The following ANAPC10 variants were observed in gnomAD, a reference collection of about 807,000 sequenced individuals.
ANAPC10 encodes the protein anaphase-promoting complex subunit 10.
In ANAPC10, 12 loss-of-function variants were observed where a neutral mutation model predicts 22.0. The ratio of observed to expected loss-of-function variants is 0.55; its 90% confidence interval spans 0.35 to 0.88. The LOEUF is 0.88. Among genes scored for constraint, ANAPC10 ranks in the 40% least tolerant of loss-of-function variants. The pLI is 0.01. For synonymous variants in ANAPC10, 65 were observed against 69.5 expected (o/e 0.94, Z 0.32); for missense variants, 188 against 220.9 (o/e 0.85, Z 0.94).
intron 4 of ANAPC10, among the ~76,000 whole-genome samples, chr4:145,002,979 T>TACCC (rs1271917811): frequency 6.6e-6 from 1 of 152,294 alleles, no homozygotes; most frequent in Non-Finnish European, 1.5e-5. Flanking sequence ...GTAGGCATAA[T>TACCC]ACCCGATAGG....
chr4:145,013,942 G>A (rs1023924542), intron 4 of ANAPC10, among the ~76,000 whole-genome samples: 2 of 152,026 alleles, frequency 1.3e-5, no homozygotes, highest in African/African-American at 4.8e-5. Context: ...GAGCTTGCTG[G>A]GTCCCCAGGC....
chr4:145,059,622 A>G (rs1742584409), intron 4 of ANAPC10, among the ~76,000 whole-genome samples: 1 of 152,148 alleles, frequency 6.6e-6, no homozygotes, highest in Admixed American at 6.6e-5. Flanking sequence ...GTTGTTTCTC[A>G]TATAACAATA....
intron 4 of ANAPC10, among the ~76,000 whole-genome samples, chr4:145,052,108 G>A (rs1178794768): frequency 6.6e-6 from 1 of 152,156 alleles, no homozygotes; most frequent in Non-Finnish European, 1.5e-5. Context: ...GGGGCTGGGA[G>A]TAAGGGGGAC....
chr4:144,995,169 G>A lies in ANAPC10; in HGVS notation c.*204C>T. The A allele has an allele frequency of 2.9e-6, 1 of 346,802 alleles. No individual in the cohort carries two copies. The highest frequency in any genetic ancestry group is 2.1e-5 in the African/African-American group (1 of 47,172). 21.5% of individuals were successfully genotyped at this position (346,802 alleles called of 1,614,324 possible). ...TGGCTTCAAATCCATTTTTAGTAATGTAAAATATGTGAGCTTTATTACATG... is the reference window on the plus strand; with the variant it reads ...TGGCTTCAAATCCATTTTTAGTAATATAAAATATGTGAGCTTTATTACATG... On this transcript the variant is annotated 3_prime_UTR_variant, in exon 5 of 5. Coordinates refer to ENST00000507656, the MANE Select transcript of ANAPC10 (RefSeq NM_001256706.2).
At position 144,994,986 on chromosome 4, in the gene ANAPC10, G is replaced by T. The variant is rs1198736596; in HGVS notation, c.*387C>A. On this transcript the variant is annotated 3_prime_UTR_variant, in exon 5 of 5. Coordinates refer to ENST00000507656, the MANE Select transcript of ANAPC10 (RefSeq NM_001256706.2). The stretch of plus-strand genomic sequence containing the variant: ...ATATATATTGATAAAACACAGTCTT[G>T]TTCTCAAATATGCAATAAACCATTA... 1 of 156,708 alleles carries T rather than the reference G, an allele frequency of 6.4e-6. No individual in the cohort carries two copies. Among genetic ancestry groups the T allele is most frequent in the East Asian group, 1.9e-4 (1 of 5,300 alleles). The allele number at this position is 156,708 out of a possible 1,614,324, so 9.7% of individuals were successfully genotyped here.
At chr4:145,013,078 C>A (rs1440068649) in intron 4 of ANAPC10, among the ~76,000 whole-genome samples, 4 of 152,146 alleles carry the variant, frequency 2.6e-5, no homozygotes, top group African/African-American at 9.7e-5. Flanking sequence ...TTTCCTGAGG[C>A]TTCCCCAGAC....
At chr4:145,039,429 T>C (rs1739158558) in intron 4 of ANAPC10, among the ~76,000 whole-genome samples, 1 of 152,202 alleles carries the variant, frequency 6.6e-6, no homozygotes, top group South Asian at 2.1e-4. Flanking sequence ...GAGACATGAT[T>C]AAGGCTGACT....
intron 4 of ANAPC10, among the ~76,000 whole-genome samples, chr4:145,059,022 C>T (rs942497167): frequency 2.0e-5 from 3 of 152,074 alleles, no homozygotes; most frequent in African/African-American, 7.2e-5. Context: ...TCAACAAAAA[C>T]TATTTTTCCA....
At chr4:145,009,814 T>G (rs1268071868) in intron 4 of ANAPC10, among the ~76,000 whole-genome samples, 1 of 152,062 alleles carries the variant, frequency 6.6e-6, no homozygotes. Context: ...AAGCCAAAAT[T>G]GACAAATGGG....
intron 4 of ANAPC10, among the ~76,000 whole-genome samples, chr4:145,048,816 T>C (rs1740691076): frequency 6.6e-6 from 1 of 152,184 alleles, no homozygotes; most frequent in South Asian, 2.1e-4. Context: ...AAACTATCAG[T>C]ATCTCAGTTA....
At chr4:145,042,625 C>T (rs1739678739) in intron 4 of ANAPC10, among the ~76,000 whole-genome samples, 1 of 152,030 alleles carries the variant, frequency 6.6e-6, no homozygotes, top group African/African-American at 2.4e-5. Flanking sequence ...GCCATGACAA[C>T]TTATCCTATA....
rs140587378 is a variant in ANAPC10, at chr4:145,077,178, G to A, written c.206+4482C>T. ...CGTGCCACTGCACTCCAGCCTGGGC[G>A]ACAGAGCAAGACTCTGTCTCAAAAA... On this transcript the variant is annotated intron_variant, in intron 3 of 4. Coordinates refer to ENST00000507656, the MANE Select transcript of ANAPC10 (RefSeq NM_001256706.2). Among the ~76,000 whole-genome samples the A allele has an allele frequency of 6.6e-5, 10 of 152,090 alleles. No homozygotes were observed. The East Asian group carries it at 9.7e-4, about 15-fold the overall frequency.
At chr4:145,013,737 A>C (rs2126938941) in intron 4 of ANAPC10, among the ~76,000 whole-genome samples, 1 of 152,270 alleles carries the variant, frequency 6.6e-6, no homozygotes, top group East Asian at 1.9e-4. Flanking sequence ...TGCAGGACCC[A>C]GGAGACAGCC....
At chr4:145,038,191 A>C (rs1237531179) in intron 4 of ANAPC10, among the ~76,000 whole-genome samples, 1 of 152,100 alleles carries the variant, frequency 6.6e-6, no homozygotes, top group Non-Finnish European at 1.5e-5. Flanking sequence ...TAAATAATAG[A>C]TAAAAGGTCA....
At chr4:145,029,371 G>C (rs1454708151) in intron 4 of ANAPC10, among the ~76,000 whole-genome samples, 3 of 152,134 alleles carry the variant, frequency 2.0e-5, no homozygotes, top group African/African-American at 7.2e-5. Flanking sequence ...ACCCTTGTTT[G>C]CTTCTAGACC....
At chr4:145,011,336 A>AAAAT (rs1734273615) in intron 4 of ANAPC10, among the ~76,000 whole-genome samples, 1 of 130,076 alleles carries the variant, frequency 7.7e-6, no homozygotes, top group Admixed American at 8.3e-5. Context: ...GACTGTCTTA[A>AAAAT]AAAATAAAAT....
intron 2 of ANAPC10, among the ~76,000 whole-genome samples, chr4:145,089,432 T>A (rs554580020): frequency 6.6e-6 from 1 of 151,880 alleles, no homozygotes. Flanking sequence ...ATTTTTCCCC[T>A]AAATTTGTTT....
chr4:145,037,195 G>T (rs1012785950), intron 4 of ANAPC10, among the ~76,000 whole-genome samples: 2 of 152,014 alleles, frequency 1.3e-5, no homozygotes, highest in African/African-American at 2.4e-5. Context: ...GTAACATCAC[G>T]ATTTGCTGCT....
At chr4:145,060,853 C>A (rs2126436320) in intron 4 of ANAPC10, among the ~76,000 whole-genome samples, 1 of 152,068 alleles carries the variant, frequency 6.6e-6, no homozygotes, top group South Asian at 2.1e-4. Flanking sequence ...TGATCTGCTT[C>A]ATCTTTCCTT....
Sources: allele counts gnomAD v4.1 joint callset (sites outside exome capture counted in the v4.1 genomes callset), GRCh38; gene constraint gnomAD v4.1.1; transcripts MANE v1.5; gene names NCBI Gene and HGNC (gene_info 2026-07-23, HGNC 2026-07-21).